The following PIGU variants were observed in gnomAD, a reference collection of about 807,000 sequenced individuals.
PIGU encodes phosphatidylinositol glycan anchor biosynthesis class U.
PIGU carries 24 observed loss-of-function variants against 49.9 expected under a neutral mutation model. The observed-to-expected ratio is 0.48, with a 90% confidence interval of 0.35 to 0.68. The LOEUF (loss-of-function observed/expected upper bound fraction) is 0.68, where lower values mean the gene tolerates loss of function less well. Among genes scored for constraint, PIGU ranks in the 30% least tolerant of loss-of-function variants. The pLI is 0.01. For missense variants in PIGU, 490 were observed against 532.6 expected (o/e 0.92, Z 0.79); for synonymous variants, 220 against 205.7 (o/e 1.07, Z -0.59).
At chr20:34,568,676 T>C (rs952801630) in intron 11 of PIGU, among the ~76,000 whole-genome samples, 23 of 152,162 alleles carry the variant, frequency 1.5e-4, no homozygotes, top group African/African-American at 5.1e-4. Flanking sequence ...GACAGGATTG[T>C]GGTTTCACCT....
intron 1 of PIGU, among the ~76,000 whole-genome samples, chr20:34,670,103 AGT>A: frequency 6.6e-6 from 1 of 152,268 alleles, no homozygotes. Flanking sequence ...CTTGGATGAC[AGT>A]TACAAAAATG....
chr20:34,587,173 T>G (rs1267690689), intron 8 of PIGU, among the ~76,000 whole-genome samples: 1 of 152,170 alleles, frequency 6.6e-6, no homozygotes, highest in East Asian at 1.9e-4. Context: ...AAGACCTACT[T>G]AATCAGAACC....
chr20:34,636,222 TA>T (rs1168483455), intron 5 of PIGU, among the ~76,000 whole-genome samples: 1 of 144,552 alleles, frequency 6.9e-6, no homozygotes, highest in African/African-American at 2.6e-5. Flanking sequence ...GAACAGATAA[TA>T]AAAAATAATA....
intron 2 of PIGU, among the ~76,000 whole-genome samples, chr20:34,652,649 G>A (rs1277184557): frequency 1.3e-5 from 2 of 152,062 alleles, no homozygotes; most frequent in East Asian, 1.9e-4. Context: ...ATTTTGATGG[G>A]TTGTGTTTCA....
intron 9 of PIGU, among the ~76,000 whole-genome samples, chr20:34,585,192 A>G (rs1983648136): frequency 6.6e-6 from 1 of 152,226 alleles, no homozygotes; most frequent in African/African-American, 2.4e-5. Flanking sequence ...GGACTTGAGC[A>G]CCTCAGAGTG....
chr20:34,628,096 C>CT (rs1985562804), intron 6 of PIGU, among the ~76,000 whole-genome samples: 2 of 152,296 alleles, frequency 1.3e-5, no homozygotes, highest in South Asian at 4.1e-4. Context: ...ACTTTTTACT[C>CT]TTTACTTCCT....
At chr20:34,581,424 G>T in intron 10 of PIGU, 124 bp downstream of exon 10, 2 of 1,332,832 alleles carry the variant, frequency 1.5e-6, no homozygotes, top group Non-Finnish European at 2.0e-6. Flanking sequence ...TCATGCCTCT[G>T]CTCCCCTCCT....
At chr20:34,628,297 A>G (rs886260946) in intron 6 of PIGU, among the ~76,000 whole-genome samples, 5 of 152,134 alleles carry the variant, frequency 3.3e-5, no homozygotes, top group Non-Finnish European at 7.3e-5. Flanking sequence ...AGCCTGGGCA[A>G]CACAGTGAGA....
intron 7 of PIGU, among the ~76,000 whole-genome samples, chr20:34,600,688 T>G (rs1423760284): frequency 6.6e-6 from 1 of 152,002 alleles, no homozygotes; most frequent in East Asian, 1.9e-4. Context: ...AAAAGAAGTA[T>G]GCCAGGGAAT....
At chr20:34,597,055 G>T (rs1014741682) in intron 7 of PIGU, among the ~76,000 whole-genome samples, 4 of 152,106 alleles carry the variant, frequency 2.6e-5, no homozygotes, top group Admixed American at 2.6e-4. Context: ...GTTGTAAAAT[G>T]GTGCAAAAAC....
chr20:34,626,594 G>A (rs539883560), intron 6 of PIGU, among the ~76,000 whole-genome samples: 3 of 151,996 alleles, frequency 2.0e-5, no homozygotes, highest in Admixed American at 6.6e-5. Context: ...GTGAGCCACC[G>A]CGCCTGGCCA....
chr20:34,616,645 G>A (rs1334982108), intron 6 of PIGU, among the ~76,000 whole-genome samples: 1 of 152,030 alleles, frequency 6.6e-6, no homozygotes, highest in African/African-American at 2.4e-5. Context: ...AATTTTGTTA[G>A]TAATGTCCTC....
intron 11 of PIGU, among the ~76,000 whole-genome samples, chr20:34,569,441 G>C (rs1982914345): frequency 6.6e-6 from 1 of 152,064 alleles, no homozygotes; most frequent in South Asian, 2.1e-4. Context: ...ATGTTGCCCA[G>C]GCTGTTCTCG....
At chr20:34,625,907 A>C (rs1985468732) in intron 6 of PIGU, among the ~76,000 whole-genome samples, 1 of 150,058 alleles carries the variant, frequency 6.7e-6, no homozygotes. Context: ...TGACAGAGTA[A>C]GACCCTGTCT....
At chr20:34,624,770 C>T (rs891698995) in intron 6 of PIGU, among the ~76,000 whole-genome samples, 2 of 152,156 alleles carry the variant, frequency 1.3e-5, no homozygotes, top group African/African-American at 2.4e-5. Flanking sequence ...TCAACCTGCC[C>T]AAAGACCTGT....
chr20:34,663,669 C>A (rs1986994895), intron 1 of PIGU, among the ~76,000 whole-genome samples: 1 of 152,134 alleles, frequency 6.6e-6, no homozygotes, highest in Non-Finnish European at 1.5e-5. Flanking sequence ...GTAACTGGTC[C>A]TTATACTGCA....
chr20:34,666,978 G>A (rs1030570820), intron 1 of PIGU, among the ~76,000 whole-genome samples: 13 of 151,796 alleles, frequency 8.6e-5, no homozygotes, highest in Non-Finnish European at 1.3e-4. Flanking sequence ...GATTACAGGC[G>A]TGAGCCACCG....
At chr20:34,634,942 T>C (rs1985912626) in intron 5 of PIGU, among the ~76,000 whole-genome samples, 4 of 152,194 alleles carry the variant, frequency 2.6e-5, no homozygotes, top group African/African-American at 2.4e-5. Context: ...TGGAAAACTG[T>C]TGTATTTAAT....
intron 11 of PIGU, among the ~76,000 whole-genome samples, chr20:34,573,716 G>A (rs1243348101): frequency 6.6e-6 from 1 of 152,254 alleles, no homozygotes; most frequent in Admixed American, 6.5e-5. Context: ...TTCAGGATAT[G>A]CAATTGAGCC....
Sources: gnomAD v4.1 joint callset for allele counts (sites outside exome capture counted in the v4.1 genomes callset) on GRCh38, gnomAD v4.1.1 for gene constraint, MANE v1.5 for transcripts, NCBI Gene and HGNC (gene_info 2026-07-23, HGNC 2026-07-21) for gene names.